The following NOTCH2NLC variants were observed in gnomAD, a reference collection of about 807,000 sequenced individuals.
The protein encoded by NOTCH2NLC is notch 2 N-terminal like C.
NOTCH2NLC carries 4 observed loss-of-function variants against 17.7 expected under a neutral mutation model. That is an observed-to-expected ratio of 0.23 (90% CI 0.11 to 0.52). NOTCH2NLC has a LOEUF of 0.52. Ranked by LOEUF, NOTCH2NLC falls within the 20% of genes least tolerant of loss-of-function variation. The pLI is 0.96. For synonymous variants in NOTCH2NLC, 18 were observed against 86.0 expected (o/e 0.21, Z 4.38); for missense variants, 57 against 207.2 (o/e 0.28, Z 4.45).
At chr1:149,431,558 G>T in intron 2 of NOTCH2NLC, among the ~76,000 whole-genome samples, 3 of 118,670 alleles carry the variant, frequency 2.5e-5, no homozygotes, top group Admixed American at 8.9e-5. Flanking sequence ...GTCTCAAAAA[G>T]AAATAAAAAA....
chr1:149,390,745 A>C lies in NOTCH2NLC; in HGVS notation c.-43A>C. On this transcript the variant is annotated 5_prime_UTR_variant, in exon 1 of 5. Transcript: ENST00000650865. ...GGGCCTGAGCCTTTGAAGCAGGAGG[A>C]GGGGAGGAGAGAGTGGGGCTCCTCT... 8.1e-7 allele frequency: 1 copy of C among 1,233,132 alleles called. No individual in the cohort carries two copies. The highest frequency in any genetic ancestry group is 1.0e-6 in the Non-Finnish European group (1 of 990,130). The allele number at this position is 1,233,132 out of a possible 1,614,324, so 76.4% of individuals were successfully genotyped here.
intron 2 of NOTCH2NLC, among the ~76,000 whole-genome samples, chr1:149,436,029 G>T (rs2084480288): frequency 1.5e-5 from 2 of 136,498 alleles, no homozygotes; most frequent in Non-Finnish European, 3.2e-5. Context: ...TTTGTCCAGA[G>T]CAAGAGGGCT....
At chr1:149,442,056 T>C (rs1407691498) in intron 2 of NOTCH2NLC, among the ~76,000 whole-genome samples, 1 of 148,856 alleles carries the variant, frequency 6.7e-6, no homozygotes, top group African/African-American at 2.5e-5. Flanking sequence ...CAGTCAGTTT[T>C]AGCCTTGTAT....
chr1:149,426,341 TAGAAATAA>T (rs2084412293), intron 1 of NOTCH2NLC, among the ~76,000 whole-genome samples: 1 of 88,808 alleles, frequency 1.1e-5, no homozygotes, highest in East Asian at 3.6e-4. Flanking sequence ...CTTTCTCTTA[TAGAAATAA>T]GGTTCCTGAG....
At position 149,466,002 on chromosome 1, in the gene NOTCH2NLC, G is replaced by C. The variant is rs2084680674; in HGVS notation, c.*1849G>C. On this transcript the variant is annotated 3_prime_UTR_variant, in exon 5 of 5. Transcript: ENST00000650865. ...GGAGATGTTAAGTGATTCACCCAAA[G>C]TTGTACAGCTAATATGTGGTTAGGC... The C allele has an allele frequency of 2.8e-5, 1 of 36,330 alleles. No individual in the cohort carries two copies. The allele number at this position is 36,330 out of a possible 1,614,324, so 2.3% of individuals were successfully genotyped here.
At chr1:149,460,909 T>C (rs1271757756) in intron 3 of NOTCH2NLC, among the ~76,000 whole-genome samples, 14 of 48,664 alleles carry the variant, frequency 2.9e-4, no homozygotes, top group Non-Finnish European at 4.6e-4. Flanking sequence ...CTTTCTTTCT[T>C]TCTTTCTCTC....
In NOTCH2NLC at chr1:149,467,403, G is replaced by A; in HGVS notation, c.*3250G>A. ...TTTAGTATTACTGTAGGACTCAAGA[G>A]GGAATTAAAACTACAAAAATGACGC... On this transcript the variant is annotated 3_prime_UTR_variant, in exon 5 of 5. Transcript: ENST00000650865. 1 of 145,210 alleles carries A rather than the reference G, an allele frequency of 6.9e-6. No homozygotes were observed. Among genetic ancestry groups the A allele is most frequent in the African/African-American group, 2.5e-5 (1 of 39,554 alleles). The allele number at this position is 145,210 out of a possible 1,614,324, so 9.0% of individuals were successfully genotyped here.
chr1:149,419,052 T>G (rs1388280624), intron 1 of NOTCH2NLC, among the ~76,000 whole-genome samples: 1 of 149,982 alleles, frequency 6.7e-6, no homozygotes, highest in Non-Finnish European at 1.5e-5. Context: ...TCTTTTTTTC[T>G]TTCTTTTTTT....
intron 3 of NOTCH2NLC, among the ~76,000 whole-genome samples, chr1:149,463,134 C>T (rs1263028824): frequency 4.0e-5 from 6 of 150,780 alleles, no homozygotes; most frequent in East Asian, 2.0e-4. Flanking sequence ...GCTCCTGGCC[C>T]GGAAGTTGAT....
At chr1:149,398,989 A>T (rs2084228260) in intron 1 of NOTCH2NLC, among the ~76,000 whole-genome samples, 1 of 152,250 alleles carries the variant, frequency 6.6e-6, no homozygotes, top group African/African-American at 2.4e-5. Context: ...TATTCATATG[A>T]TGAATGTATG....
At position 149,470,988 on chromosome 1, in the gene NOTCH2NLC, G is replaced by A. The variant is rs1166661655; in HGVS notation, c.*6835G>A. Reference sequence around the variant, plus strand: ...TTTATCCACATCCTCATCAACAGTTGTTATTGTCTGTCTTTTTTATTATAT... The same window carrying A: ...TTTATCCACATCCTCATCAACAGTTATTATTGTCTGTCTTTTTTATTATAT... On this transcript the variant is annotated 3_prime_UTR_variant, in exon 5 of 5. Coordinates refer to ENST00000650865, the MANE Select transcript of NOTCH2NLC (RefSeq NM_001364013.2). Among the ~76,000 whole-genome samples the A allele has an allele frequency of 6.7e-6, 1 of 149,560 alleles. No homozygotes were observed. Among genetic ancestry groups the A allele is most frequent in the Non-Finnish European group, 1.5e-5 (1 of 66,974 alleles).
chr1:149,429,433 G>A (rs1203149316), intron 1 of NOTCH2NLC, among the ~76,000 whole-genome samples: 2 of 149,794 alleles, frequency 1.3e-5, no homozygotes, highest in Non-Finnish European at 3.0e-5. Context: ...CAGTAGGCAG[G>A]CCACTTATCC....
At chr1:149,430,461 G>A (rs2084442045) in intron 1 of NOTCH2NLC, among the ~76,000 whole-genome samples, 2 of 146,212 alleles carry the variant, frequency 1.4e-5, no homozygotes. Flanking sequence ...TCGAATTACT[G>A]TTATTGCTGT....
chr1:149,421,498 C>CAAAA (rs1186003741), intron 1 of NOTCH2NLC, among the ~76,000 whole-genome samples: 12 of 36,900 alleles, frequency 3.3e-4, no homozygotes, highest in Non-Finnish European at 3.4e-4. Flanking sequence ...GACTCCATCT[C>CAAAA]AAAAAAAAAA....
intron 2 of NOTCH2NLC, among the ~76,000 whole-genome samples, chr1:149,438,101 T>G (rs1476825250): frequency 2.0e-5 from 3 of 150,860 alleles, no homozygotes; most frequent in African/African-American, 7.3e-5. Flanking sequence ...AAATGGAACC[T>G]TCTGAAATGG....
At chr1:149,392,765 A>G (rs1454318240) in intron 1 of NOTCH2NLC, among the ~76,000 whole-genome samples, 3 of 151,344 alleles carry the variant, frequency 2.0e-5, no homozygotes, top group Non-Finnish European at 4.4e-5. Flanking sequence ...ATATGATTGT[A>G]AAGTGATTTG....
intron 1 of NOTCH2NLC, 91 bp downstream of exon 1, chr1:149,391,013 A>G: frequency 3.8e-6 from 4 of 1,065,472 alleles, no homozygotes; most frequent in Non-Finnish European, 4.6e-6. Context: ...CTGTGTGGGA[A>G]GGCCAGGCTC....
intron 2 of NOTCH2NLC, among the ~76,000 whole-genome samples, chr1:149,449,364 G>C (rs1223101149): frequency 1.3e-5 from 2 of 148,870 alleles, no homozygotes; most frequent in African/African-American, 4.9e-5. Context: ...CCTGGGAAGG[G>C]AGGCAGAAAA....
chr1:149,398,995 G>A (rs1351673899), intron 1 of NOTCH2NLC, among the ~76,000 whole-genome samples: 1 of 152,228 alleles, frequency 6.6e-6, no homozygotes, highest in East Asian at 1.9e-4. Flanking sequence ...TATGATGAAT[G>A]TATGTGTGTA....
Sources: allele counts gnomAD v4.1 joint callset (sites outside exome capture counted in the v4.1 genomes callset), GRCh38; gene constraint gnomAD v4.1.1; transcripts MANE v1.5; gene names NCBI Gene and HGNC (gene_info 2026-07-23, HGNC 2026-07-21).